The following EAF2 variants were observed in gnomAD, a reference collection of about 807,000 sequenced individuals.
The protein encoded by EAF2 is ELL-associated factor 2.
Under a neutral mutation model 29.4 loss-of-function variants are expected in EAF2, and 29 were observed. The ratio of observed to expected loss-of-function variants is 0.99; its 90% CI spans 0.73 to 1.35. The LOEUF is 1.35. EAF2 is among the 40% of genes most tolerant of loss of function. The probability of loss-of-function intolerance (pLI) is 0.00; values close to 1 mark genes in which losing one functional copy is unlikely to be tolerated. For synonymous variants in EAF2, 103 were observed against 102.5 expected, an observed-to-expected ratio of 1.00 and a Z score of -0.03; for missense variants, 292 against 312.0, an observed-to-expected ratio of 0.94 and a Z score of 0.48.
intron 1 of EAF2, among the ~76,000 whole-genome samples, chr3:121,839,366 T>A (rs531538323): frequency 3.6e-4 from 55 of 152,330 alleles, no homozygotes; most frequent in Non-Finnish European, 7.6e-4. Flanking sequence ...CTTGACTGCC[T>A]GGGTTACCCT....
intron 1 of EAF2, among the ~76,000 whole-genome samples, chr3:121,839,345 C>T (rs2107491419): frequency 6.6e-6 from 1 of 152,226 alleles, no homozygotes; most frequent in South Asian, 2.1e-4. Context: ...ACTATGATTC[C>T]CACTGGTCAG....
At chr3:121,848,640 T>C (rs1708574259) in intron 2 of EAF2, among the ~76,000 whole-genome samples, 1 of 152,142 alleles carries the variant, frequency 6.6e-6, no homozygotes, top group African/African-American at 2.4e-5. Flanking sequence ...AAAATACTCA[T>C]ATAGCTTTGG....
chr3:121,835,260 G>A lies in EAF2; in HGVS notation c.-26G>A. 6.2e-7 allele frequency: 1 copy of A among 1,610,306 alleles called. No individual in the cohort carries two copies. On this transcript the variant is annotated 5_prime_UTR_variant, in exon 1 of 6. Coordinates refer to ENST00000273668, the MANE Select transcript of EAF2 (RefSeq NM_018456.6). ...GCAGATAGTGAGCGCTGGTGGCGGA[G>A]TTAAAGTCAAAGCAGGAGAGTAATT...
At chr3:121,846,956 C>A (rs987687039) in intron 2 of EAF2, among the ~76,000 whole-genome samples, 1 of 152,120 alleles carries the variant, frequency 6.6e-6, no homozygotes, top group East Asian at 1.9e-4. Flanking sequence ...TGTTTTCAAG[C>A]CTGTGAATTG....
At chr3:121,879,193 T>A in intron 5 of EAF2, among the ~76,000 whole-genome samples, 1 of 152,184 alleles carries the variant, frequency 6.6e-6, no homozygotes. Context: ...TTGAGAAAAA[T>A]CTATTCAGTT....
intron 4 of EAF2, among the ~76,000 whole-genome samples, chr3:121,862,636 A>T (rs1440179012): frequency 6.6e-6 from 1 of 151,944 alleles, no homozygotes; most frequent in Non-Finnish European, 1.5e-5. Context: ...TAGCTTGGAG[A>T]AGTTTGTTAT....
At chr3:121,866,827 T>A (rs1156732256) in intron 4 of EAF2, among the ~76,000 whole-genome samples, 1 of 152,166 alleles carries the variant, frequency 6.6e-6, no homozygotes, top group Admixed American at 6.6e-5. Flanking sequence ...GAAAAGACAA[T>A]CAACTGACAC....
chr3:121,886,294 T>A, intron 5 of EAF2, 48 bp from the exon 6 acceptor site: 1 of 1,239,748 alleles, frequency 8.1e-7, no homozygotes, highest in East Asian at 2.9e-5. Context: ...GCAAAAATAA[T>A]ATTAAATATT....
chr3:121,858,605 C>G (rs1285023864), intron 4 of EAF2, among the ~76,000 whole-genome samples: 1 of 149,190 alleles, frequency 6.7e-6, no homozygotes, highest in Admixed American at 6.7e-5. Flanking sequence ...AAAATTTTCT[C>G]CCATTCTGTA....
At chr3:121,851,474 C>T (rs1291056298) in intron 2 of EAF2, among the ~76,000 whole-genome samples, 1 of 152,166 alleles carries the variant, frequency 6.6e-6, no homozygotes, top group Admixed American at 6.5e-5. Context: ...ACACATGACC[C>T]ACTCACTTAT....
At chr3:121,858,531 G>A (rs1708765638) in intron 4 of EAF2, among the ~76,000 whole-genome samples, 1 of 144,934 alleles carries the variant, frequency 6.9e-6, no homozygotes, top group African/African-American at 2.5e-5. Flanking sequence ...TTTTTTTCTT[G>A]TAAATTTGTG....
At chr3:121,872,433 A>C (rs1230565271) in intron 4 of EAF2, 104 bp from the exon 5 acceptor site, 1 of 895,140 alleles carries the variant, frequency 1.1e-6, no homozygotes. Context: ...TGTATGTTTG[A>C]TTTTAGTTTC....
At chr3:121,843,970 C>T (rs180692286) in intron 1 of EAF2, among the ~76,000 whole-genome samples, 12 of 152,108 alleles carry the variant, frequency 7.9e-5, no homozygotes, top group African/African-American at 2.9e-4. Context: ...AGTAGAATGA[C>T]AGACAAGTGG....
intron 3 of EAF2, among the ~76,000 whole-genome samples, chr3:121,855,171 A>T (rs1708698322): frequency 6.6e-6 from 1 of 152,168 alleles, no homozygotes; most frequent in African/African-American, 2.4e-5. Context: ...AGTACCTAGG[A>T]TGTGTAAGGT....
intron 3 of EAF2, among the ~76,000 whole-genome samples, chr3:121,856,351 T>C (rs1237147264): frequency 6.6e-6 from 1 of 152,064 alleles, no homozygotes; most frequent in African/African-American, 2.4e-5. Context: ...GTTTTATTTA[T>C]TTTTAAATAG....
rs532586031 is a variant in EAF2, at chr3:121,861,350, A to G, written c.484+4194A>G. ...AAGGACTTGCTTTATGAATCTGGGT[A>G]CTCCTGTACTGGGTGCATATATATT... On this transcript the variant is annotated intron_variant, in intron 4 of 5. Coordinates refer to ENST00000273668, the MANE Select transcript of EAF2 (RefSeq NM_018456.6). 6.9e-4 allele frequency among the ~76,000 whole-genome samples: 104 copies of G among 151,810 alleles called. 1 individual carries two copies. The South Asian group carries it at 0.019, about 27-fold the overall frequency.
rs1379156866 is a variant in EAF2 at position 121,857,083 on chromosome 3, TC to T, written c.414del (p.Asn139IlefsTer3). The T allele has an allele frequency of 6.2e-7, 1 of 1,613,692 alleles. No homozygotes were observed. The highest frequency in any genetic ancestry group is 1.3e-5 in the African/African-American group (1 of 74,924). On this transcript the variant is annotated frameshift_variant, in exon 4 of 6. Transcript: ENST00000273668. LOFTEE classifies it high-confidence loss of function. ...AACAAATGTGGAATTCAGCCAGGAC[TC>T]CCAATCTTGTAAAACATTCTCCATC... ...QQQMWNSART[P>X]NLVKHSPSED... is the part of the protein sequence containing the mutation.
At chr3:121,850,333 T>TG (rs1219701777) in intron 2 of EAF2, among the ~76,000 whole-genome samples, 1 of 151,884 alleles carries the variant, frequency 6.6e-6, no homozygotes, top group East Asian at 1.9e-4. Flanking sequence ...TGTCTTTGAT[T>TG]TTTTTTTCAT....
At position 121,852,329 on chromosome 3, in the gene EAF2, C is replaced by G. The variant is rs76154039; in HGVS notation, c.202-2358C>G. Among the ~76,000 whole-genome samples the G allele has an allele frequency of 4.1e-3, 619 of 152,208 alleles. 9 individuals carry two copies. Among genetic ancestry groups the G allele is most frequent in the African/African-American group, 0.014 (589 of 41,542 alleles). On this transcript the variant is annotated intron_variant, in intron 2 of 5. Coordinates refer to ENST00000273668, the MANE Select transcript of EAF2 (RefSeq NM_018456.6). ...TCCTTAGGTAACTATTTTGGGGTAT[C>G]TTACTTGTTTCAGTCAACACATCTG...
Sources: gnomAD v4.1 joint callset for allele counts (sites outside exome capture counted in the v4.1 genomes callset) on GRCh38, gnomAD v4.1.1 for gene constraint, MANE v1.5 for transcripts, NCBI Gene and HGNC (gene_info 2026-07-23, HGNC 2026-07-21) for gene names.